The following KRT17 variants were observed in gnomAD, a reference collection of about 807,000 sequenced individuals.
The protein encoded by KRT17 is keratin, type I cytoskeletal 17.
Under a neutral mutation model 45.6 loss-of-function variants are expected in KRT17, and 29 were observed. The ratio of observed to expected loss-of-function variants is 0.64; its 90% confidence interval spans 0.47 to 0.87. The LOEUF (loss-of-function observed/expected upper bound fraction) is 0.87, where lower values mean the gene tolerates loss of function less well. KRT17 is among the 40% of genes least tolerant of loss of function. The probability of loss-of-function intolerance (pLI) is 0.00; values close to 1 mark genes in which losing one functional copy is unlikely to be tolerated. For synonymous variants in KRT17, 219 were observed against 234.6 expected (o/e 0.93, Z 0.61); for missense variants, 536 against 577.8 (o/e 0.93, Z 0.74).
At position 41,620,946 on chromosome 17, in the gene KRT17, A is replaced by T; in HGVS notation, c.960+20T>A. 1.9e-6 allele frequency: 3 copies of T among 1,614,048 alleles called. No homozygotes were observed. Among genetic ancestry groups the T allele is most frequent in the Non-Finnish European group, 2.5e-6 (3 of 1,179,984 alleles). On this transcript the variant is annotated intron_variant, in intron 5 of 7. Transcript: ENST00000311208. ...AATGCCCTCTTCTGGGCCCTCCCCC[A>T]TGCACAGGACTGTTCCTACCATGCT...
At position 41,620,687 on chromosome 17, in the gene KRT17, G is replaced by A. The variant is rs368177544; in HGVS notation, c.1153C>T (p.Arg385Cys). 9.6e-5 allele frequency: 155 copies of A among 1,611,996 alleles called. 2 individuals carry two copies. Among genetic ancestry groups the A allele is most frequent in the Admixed American group, 6.7e-5 (4 of 59,996 alleles). Residue 385 changes from arginine (R) to cysteine (C), a missense_variant, in exon 6 of 8, where the codon CGC becomes TGC. Physicochemically the swap from Arg to Cys is radical, Grantham distance 180. Coordinates refer to ENST00000311208, the MANE Select transcript of KRT17 (RefSeq NM_000422.3). ...GCATCCTCTCCCTCCAGCAGGCGGCGGTAGGTGGCAATCTCCTGCTCCAGC... is the reference window on the plus strand; with the variant it reads ...GCATCCTCTCCCTCCAGCAGGCGGCAGTAGGTGGCAATCTCCTGCTCCAGC... Reference protein sequence around the residue: ...TRLEQEIATYRRLLEGEDAHL... With the variant: ...TRLEQEIATYCRLLEGEDAHL...
Position 41,619,507 on chromosome 17 carries a change from G to T in KRT17, c.*87C>A. 6.2e-7 allele frequency: 1 copy of T among 1,609,108 alleles called. No individual in the cohort carries two copies. The highest frequency in any genetic ancestry group is 2.2e-5 in the East Asian group (1 of 44,838). On this transcript the variant is annotated 3_prime_UTR_variant, in exon 8 of 8. Transcript: ENST00000311208. Reference sequence around the variant, plus strand: ...CATGGGGAAGGGACTGAAGCAGGGGGCTGAGGCTGGAGAGGCCGGAGACTG... The same window carrying T: ...CATGGGGAAGGGACTGAAGCAGGGGTCTGAGGCTGGAGAGGCCGGAGACTG...
At chr17:41,619,738 G>C (rs144060457) in intron 7 of KRT17, 50 bp from the exon 8 acceptor site, 3 of 1,611,164 alleles carry the variant, frequency 1.9e-6, no homozygotes, top group Non-Finnish European at 2.5e-6. Flanking sequence ...GGAGGCCCTC[G>C]CTTGCCCCCT....
At chr17:41,622,574 G>C in intron 2 of KRT17, 63 bp from the exon 3 acceptor site, 1 of 1,581,328 alleles carries the variant, frequency 6.3e-7, no homozygotes. Flanking sequence ...GGTCCTGGCT[G>C]CTCACCTGCC....
At position 41,621,153 on chromosome 17, in the gene KRT17, C is replaced by A. The variant is rs895875372; in HGVS notation, c.835-62G>T. ...GGATCCCTCTCCCAAGTCAGGCCTC[C>A]TCCCAAATCTAACTGTGGAGAGAGT... On this transcript the variant is annotated intron_variant, in intron 4 of 7. Transcript: ENST00000311208. The A allele has an allele frequency of 2.8e-5, 45 of 1,602,970 alleles. No homozygotes were observed. The Middle Eastern group carries it at 1.0e-3, about 35-fold the overall frequency.
chr17:41,622,689 C>T (rs559632210), intron 2 of KRT17, among the ~76,000 whole-genome samples, 178 bp from the exon 3 acceptor site: 4 of 152,236 alleles, frequency 2.6e-5, no homozygotes, highest in East Asian at 1.9e-4. Context: ...CCAGATCCCA[C>T]GCCCACCAGC....
At chr17:41,621,974 A>G in intron 3 of KRT17, 1 of 625,194 alleles carries the variant, frequency 1.6e-6, no homozygotes, top group Non-Finnish European at 2.9e-6. Context: ...CCAAAATAAA[A>G]TCTAATTATT....
chr17:41,619,608 G>T lies in KRT17; in HGVS notation c.1285C>A (p.Gln429Lys), dbSNP rs758225003. The T allele has an allele frequency of 2.2e-5, 35 of 1,612,078 alleles. No individual in the cohort carries two copies. Among genetic ancestry groups the T allele is most frequent in the African/African-American group, 6.7e-5 (5 of 74,864 alleles). ...KVISSREQVH[Q>K]TTR is the part of the protein sequence containing the mutation. ...TAGCTGAGTCCTCAGCGGGTGGTCTGGTGGACCTGCTCGCGGGAGGAGATG... is the reference window on the plus strand; with the variant it reads ...TAGCTGAGTCCTCAGCGGGTGGTCTTGTGGACCTGCTCGCGGGAGGAGATG... Residue 429 changes from glutamine (Q) to lysine (K), a missense_variant, in exon 8 of 8, where the codon CAG becomes AAG. Physicochemically the swap from Gln to Lys is moderately conservative, Grantham distance 53. Transcript: ENST00000311208.
chr17:41,623,016 A>T lies in KRT17; in HGVS notation c.449T>A (p.Val150Glu). Residue 150 changes from valine (V) to glutamate (E), a missense_variant, in exon 2 of 8, where the codon GTG becomes GAG. By Grantham distance (121) the Val-to-Glu change is moderately radical (BLOSUM62 -2). Transcript: ENST00000311208. ...CTGTAGCAGGATGTTGGCATTGTCCACGGTGGCTGTGAGGATCTGAGGAGA... is the reference window on the plus strand; with the variant it reads ...CTGTAGCAGGATGTTGGCATTGTCCTCGGTGGCTGTGAGGATCTGAGGAGA... The part of the protein sequence containing the change: ...ELQNKILTAT[V>E]DNANILLQID... The T allele has an allele frequency of 6.2e-7, 1 of 1,613,430 alleles. No individual in the cohort carries two copies. The highest frequency in any genetic ancestry group is 8.5e-7 in the Non-Finnish European group (1 of 1,179,694).
chr17:41,620,915 A>G (rs1376197222), intron 5 of KRT17, 36 bp from the exon 6 acceptor site: 1 of 1,613,890 alleles, frequency 6.2e-7, no homozygotes, highest in African/African-American at 1.3e-5. Context: ...GTCAGTGAGG[A>G]TGGTCAATGC....
intron 3 of KRT17, 171 bp downstream of exon 3, chr17:41,622,184 C>A (rs1392092816): frequency 4.7e-6 from 4 of 844,898 alleles, no homozygotes; most frequent in Non-Finnish European, 5.9e-6. Context: ...GAGGAGTCTG[C>A]CCTGCACACT....
Position 41,624,471 on chromosome 17 carries a change from G to A in KRT17, c.39C>T (p.Ser13=), listed in dbSNP as rs746277264. ...CCCCCAGGCCGGAGGAGCCCTTGAT[G>A]GAGCTGGAGGAGGTGAACTGGCGGA... ...TSIRQFTSSS[S]IKGSSGLGGG... Residue 13 remains serine, a synonymous_variant, in exon 1 of 8, where the codon TCC becomes TCT. Coordinates refer to ENST00000311208, the MANE Select transcript of KRT17 (RefSeq NM_000422.3). 8.7e-6 allele frequency: 14 copies of A among 1,610,468 alleles called. No homozygotes were observed. The South Asian group carries it at 1.4e-4, about 16-fold the overall frequency.
chr17:41,623,205 G>A (rs1908606757), intron 1 of KRT17, 173 bp from the exon 2 acceptor site: 6 of 616,838 alleles, frequency 9.7e-6, no homozygotes, highest in Non-Finnish European at 1.8e-5. Flanking sequence ...GCTGAAAGGT[G>A]CCTCTTCTTC....
intron 4 of KRT17, 30 bp downstream of exon 4, chr17:41,621,562 AG>A: frequency 6.2e-7 from 1 of 1,611,838 alleles, no homozygotes; most frequent in Non-Finnish European, 8.5e-7. Flanking sequence ...CCAGCCCCTA[AG>A]AGAGCCCTCT....
intron 7 of KRT17, chr17:41,620,191 G>A (rs1159667759): frequency 2.0e-6 from 2 of 985,214 alleles, no homozygotes; most frequent in Non-Finnish European, 2.4e-6. Flanking sequence ...CCAGAGACAG[G>A]ACTGTTTTTG....
Position 41,619,459 on chromosome 17 carries a change from T to C in KRT17, c.*135A>G. 6.6e-7 allele frequency: 1 copy of C among 1,517,712 alleles called. No homozygotes were observed. Among genetic ancestry groups the C allele is most frequent in the Non-Finnish European group, 9.0e-7 (1 of 1,109,240 alleles). 94.0% of individuals were successfully genotyped at this position (1,517,712 alleles called of 1,614,324 possible). A position where few individuals can be genotyped will look rare whatever the true frequency, so the allele number is the denominator to read the frequency against. ...ACATTTCATAGCTGAGTCAACAAGC[T>C]TTATTGTCATCAGGCAAGGAAGCAT... On this transcript the variant is annotated 3_prime_UTR_variant, in exon 8 of 8. Transcript: ENST00000311208.
In KRT17 at chr17:41,621,824, C is replaced by T. The variant is rs182241469; in HGVS notation, c.673-70G>A. 487 of 1,574,722 alleles carry T rather than the reference C, an allele frequency of 3.1e-4. 1 individual carries two copies. Among genetic ancestry groups the T allele is most frequent in the Middle Eastern group, 6.9e-4 (3 of 4,364 alleles). On this transcript the variant is annotated intron_variant, in intron 3 of 7. Coordinates refer to ENST00000311208, the MANE Select transcript of KRT17 (RefSeq NM_000422.3). ...GACCTCTCACTCCCAAGCCTTCCCC[C>T]ACAAGGGGACCCCACTTCCCACAAG...
chr17:41,624,162 G>A lies in KRT17; in HGVS notation c.348C>T (p.Ile116=). The A allele has an allele frequency of 6.2e-7, 1 of 1,612,356 alleles. No homozygotes were observed. Among genetic ancestry groups the A allele is most frequent in the Non-Finnish European group, 8.5e-7 (1 of 1,179,968 alleles). The change falls in exon 1 of 8, where the codon ATC becomes ATT. Residue 116 remains isoleucine, a synonymous_variant. Coordinates refer to ENST00000311208, the MANE Select transcript of KRT17 (RefSeq NM_000422.3). ...GGGCCTGCCTCTGGTACCAGTCACG[G>A]ATCTTCACCTCCAGCTCAGTGTTGG... ...EEANTELEVK[I]RDWYQRQAPG... is the part of the protein sequence containing the mutation.
At chr17:41,622,923 C>T (rs1360544622) in intron 2 of KRT17, 27 bp downstream of exon 2, 4 of 1,588,204 alleles carry the variant, frequency 2.5e-6, no homozygotes, top group East Asian at 4.5e-5. Flanking sequence ...CTGGCCCAGG[C>T]TGCCCAAGGC....
Sources: allele counts gnomAD v4.1 joint callset (sites outside exome capture counted in the v4.1 genomes callset), GRCh38; gene constraint gnomAD v4.1.1; transcripts MANE v1.5; gene names NCBI Gene and HGNC (gene_info 2026-07-23, HGNC 2026-07-21).